SYTL5: variants seen among roughly 807,000 people sequenced by gnomAD.
The protein encoded by SYTL5 is synaptotagmin like 5.
Under a neutral mutation model 55.9 loss-of-function variants are expected in SYTL5, and 34 were observed. The observed-to-expected ratio is 0.61, with a 90% confidence interval of 0.46 to 0.81. SYTL5 has a LOEUF of 0.81. SYTL5 is among the 30% of genes least tolerant of loss of function. The probability of loss-of-function intolerance (pLI) is 0.00; values close to 1 mark genes in which losing one functional copy is unlikely to be tolerated. For missense variants in SYTL5, 637 were observed against 546.7 expected (o/e 1.17, Z -1.65); for synonymous variants, 221 against 188.7 (o/e 1.17, Z -1.40).
chrX:38,128,324 T>C lies in SYTL5; in HGVS notation c.*1594T>C, dbSNP rs1937716282. The C allele has an allele frequency of 9.0e-6, 1 of 111,655 alleles. No individual in the cohort carries two copies. Among genetic ancestry groups the C allele is most frequent in the South Asian group, 3.8e-4 (1 of 2,655 alleles). The allele number at this position is 111,655 out of a possible 1,213,427, so 9.2% of individuals were successfully genotyped here. A position where few individuals can be genotyped will look rare whatever the true frequency, so the allele number is the denominator to read the frequency against. ...AGTCCTTGGCATAATGCTATGCTTATTAGGTAGATAAAAGGGCTTATGTCA... is the reference window on the plus strand; with the variant it reads ...AGTCCTTGGCATAATGCTATGCTTACTAGGTAGATAAAAGGGCTTATGTCA... On this transcript the variant is annotated 3_prime_UTR_variant, in exon 17 of 17. Transcript: ENST00000297875.
At chrX:38,057,495 T>C (rs1266831842) in intron 3 of SYTL5, among the ~76,000 whole-genome samples, 1 of 111,679 alleles carries the variant, frequency 9.0e-6, no homozygotes, top group Admixed American at 9.5e-5. Context: ...TCTGGGTCTT[T>C]TGTGGTTCCA....
intron 5 of SYTL5, among the ~76,000 whole-genome samples, chrX:38,074,663 T>G (rs1390264003): frequency 1.8e-5 from 2 of 111,862 alleles, no homozygotes; most frequent in Non-Finnish European, 3.8e-5. Context: ...CTAGGGTTCT[T>G]TTAGAATCTT....
intron 3 of SYTL5, among the ~76,000 whole-genome samples, chrX:38,058,003 C>A (rs1935839099): frequency 9.0e-6 from 1 of 110,786 alleles, no homozygotes; most frequent in African/African-American, 3.3e-5. Context: ...TTTTCTGAAT[C>A]CTGTTGAAGA....
At chrX:38,057,122 A>G (rs1052954919) in intron 3 of SYTL5, among the ~76,000 whole-genome samples, 1 of 111,762 alleles carries the variant, frequency 8.9e-6, no homozygotes, top group African/African-American at 3.2e-5. Flanking sequence ...TTGAGGTCTT[A>G]GATTTAAGTA....
At chrX:37,966,436 CTTTTT>C in the SYTL5 span, among the ~76,000 whole-genome samples, 3 of 78,142 alleles carry the variant, frequency 3.8e-5, no homozygotes, top group African/African-American at 1.5e-4. Context: ...TTTTCTTTTT[CTTTTT>C]TTTTTTTTTT....
At chrX:38,072,617 C>T (rs919122212) in intron 4 of SYTL5, among the ~76,000 whole-genome samples, 6 of 111,824 alleles carry the variant, frequency 5.4e-5, no homozygotes, top group East Asian at 2.8e-4. Flanking sequence ...GTCTCCCTCC[C>T]TCAAAATGGG....
chrX:38,073,440 A>T, intron 4 of SYTL5, 150 bp from the exon 5 acceptor site: 1 of 443,162 alleles, frequency 2.3e-6, no homozygotes. Context: ...TAACTGTGTG[A>T]CAGAAAAACT....
At chrX:37,904,568 T>C in the SYTL5 span, among the ~76,000 whole-genome samples, 2 of 111,215 alleles carry the variant, frequency 1.8e-5, no homozygotes, top group African/African-American at 6.6e-5. Context: ...TCCTGGATAG[T>C]AGACTTCTGA....
At chrX:37,973,863 G>A in the SYTL5 span, among the ~76,000 whole-genome samples, 1 of 110,618 alleles carries the variant, frequency 9.0e-6, no homozygotes, top group Non-Finnish European at 1.9e-5. Context: ...GGCTGCTCTT[G>A]AACTCCTGAA....
the SYTL5 span, among the ~76,000 whole-genome samples, chrX:37,935,839 A>G: frequency 8.9e-6 from 1 of 112,558 alleles, no homozygotes; most frequent in African/African-American, 3.2e-5. Context: ...AAAAGAACAA[A>G]AAGGCATAAG....
chrX:37,949,689 A>G, the SYTL5 span, among the ~76,000 whole-genome samples: 2 of 112,231 alleles, frequency 1.8e-5, no homozygotes, highest in Middle Eastern at 4.6e-3. Context: ...AAGGAAGACA[A>G]AAAAGGAAAA....
chrX:38,102,976 TG>T, intron 10 of SYTL5: 1 of 936,066 alleles, frequency 1.1e-6, no homozygotes, highest in Non-Finnish European at 1.5e-6. Context: ...CTCTGATTTC[TG>T]TTGCTCTGAT....
intron 2 of SYTL5, among the ~76,000 whole-genome samples, chrX:38,041,379 T>C (rs1935283565): frequency 8.9e-6 from 1 of 112,323 alleles, no homozygotes; most frequent in South Asian, 3.7e-4. Flanking sequence ...CAAAATTAGT[T>C]TGACCTTCTC....
intron 1 of SYTL5, among the ~76,000 whole-genome samples, chrX:38,020,160 A>T (rs1934500994): frequency 9.1e-6 from 1 of 110,387 alleles, no homozygotes; most frequent in South Asian, 3.8e-4. Flanking sequence ...ATTGATAATC[A>T]GTGGATATAT....
chrX:37,976,011 G>A, the SYTL5 span, among the ~76,000 whole-genome samples: 1 of 111,729 alleles, frequency 9.0e-6, no homozygotes, highest in Non-Finnish European at 1.9e-5. Flanking sequence ...AACTTGCAGG[G>A]GGTGAGAAAC....
chrX:37,952,242 CG>C, the SYTL5 span, among the ~76,000 whole-genome samples: 5 of 111,629 alleles, frequency 4.5e-5, no homozygotes, highest in Admixed American at 4.8e-4. Context: ...TTCTTCTTCA[CG>C]CTTCTGCTAC....
the SYTL5 span, among the ~76,000 whole-genome samples, chrX:37,925,343 A>G: frequency 1.8e-5 from 2 of 111,668 alleles, no homozygotes; most frequent in African/African-American, 6.5e-5. Flanking sequence ...TGCAATAAAC[A>G]TGGGAGTGCA....
chrX:38,125,453 A>T lies in SYTL5; in HGVS notation c.1997A>T (p.Glu666Val). ...VCLELTIWDK[E>V]AFSSNIFLGG... ...CTAGAACTTACTATCTGGGACAAGG[A>T]GGCCTTTTCCAGCAACATCTTTCTG... Residue 666 changes from glutamate to valine, a missense_variant, in exon 16 of 17, where the codon GAG (glutamate) becomes GTG (valine). Transcript: ENST00000297875. 1 of 1,211,545 alleles carries T rather than the reference A, an allele frequency of 8.3e-7. No individual in the cohort carries two copies. Among genetic ancestry groups the T allele is most frequent in the Non-Finnish European group, 1.1e-6 (1 of 895,186 alleles).
At chrX:37,931,843 A>G in the SYTL5 span, among the ~76,000 whole-genome samples, 1 of 111,409 alleles carries the variant, frequency 9.0e-6, no homozygotes, top group Non-Finnish European at 1.9e-5. Context: ...CAGTCTGCTC[A>G]ATTTGAGTTG....
Sources: allele counts gnomAD v4.1 joint callset (sites outside exome capture counted in the v4.1 genomes callset), GRCh38; gene constraint gnomAD v4.1.1; transcripts MANE v1.5; gene names NCBI Gene and HGNC (gene_info 2026-07-23, HGNC 2026-07-21).